Variants in TMEM132D observed in about 807,000 individuals in gnomAD.
The protein encoded by TMEM132D is mature OL transmembrane protein.
TMEM132D carries 21 observed loss-of-function variants against 62.3 expected under a neutral mutation model. That is an observed-to-expected ratio of 0.34 (90% confidence interval 0.24 to 0.49). TMEM132D has a LOEUF of 0.49. Ranked by LOEUF, TMEM132D falls within the 20% of genes least tolerant of loss-of-function variation. The pLI is 0.99. For missense variants in TMEM132D, 1,346 were observed against 1,402.8 expected, an observed-to-expected ratio of 0.96 and a Z score of 0.65; for synonymous variants, 621 against 575.6, an observed-to-expected ratio of 1.08 and a Z score of -1.13.
chr12:129,748,814 A>G (rs1176138335), intron 1 of TMEM132D, among the ~76,000 whole-genome samples: 3 of 152,192 alleles, frequency 2.0e-5, no homozygotes, highest in Non-Finnish European at 2.9e-5. Context: ...CAAGAAAGTA[A>G]GAAATAAAAG....
intron 6 of TMEM132D, 86 bp downstream of exon 6, chr12:129,084,411 T>C (rs1024279628): frequency 1.5e-6 from 2 of 1,332,570 alleles, no homozygotes; most frequent in Admixed American, 5.4e-5. Flanking sequence ...GGGTACCACA[T>C]GCATCCTCAG....
In TMEM132D at chr12:129,593,806, G is replaced by A. The variant is rs116252857; in HGVS notation, c.969-62601C>T. On this transcript the variant is annotated intron_variant, in intron 2 of 8. Transcript: ENST00000422113. ...CAGAGAAATGCAGCTGGCATCAAACGTCACGGGGAACTTACTCCTCTTGAC... is the reference window on the plus strand; with the variant it reads ...CAGAGAAATGCAGCTGGCATCAAACATCACGGGGAACTTACTCCTCTTGAC... Among the ~76,000 whole-genome samples, 379 of 151,972 alleles carry A rather than the reference G, an allele frequency of 2.5e-3. 2 individuals carry two copies. Among genetic ancestry groups the A allele is most frequent in the African/African-American group, 8.9e-3 (367 of 41,426 alleles).
intron 2 of TMEM132D, among the ~76,000 whole-genome samples, chr12:129,664,387 GC>G (rs1880319248): frequency 6.7e-6 from 1 of 148,152 alleles, no homozygotes; most frequent in African/African-American, 2.5e-5. Flanking sequence ...CTTTTGAAAT[GC>G]TTTTTCTATC....
chr12:129,701,543 C>G (rs1486524488), intron 1 of TMEM132D, among the ~76,000 whole-genome samples: 1 of 152,226 alleles, frequency 6.6e-6, no homozygotes, highest in Non-Finnish European at 1.5e-5. Context: ...GTGGACACTA[C>G]GCCGTCACCA....
At chr12:129,541,125 A>AG (rs1188638560) in intron 2 of TMEM132D, among the ~76,000 whole-genome samples, 1 of 152,232 alleles carries the variant, frequency 6.6e-6, no homozygotes, top group Non-Finnish European at 1.5e-5. Flanking sequence ...AAGAGGTCAG[A>AG]GGGCTCAGTG....
At chr12:129,615,119 T>A (rs1358948658) in intron 2 of TMEM132D, among the ~76,000 whole-genome samples, 3 of 152,186 alleles carry the variant, frequency 2.0e-5, no homozygotes, top group Admixed American at 2.0e-4. Context: ...TGCTATCTAC[T>A]GTCACAGGGC....
At chr12:129,849,631 C>T (rs994160793) in intron 1 of TMEM132D, among the ~76,000 whole-genome samples, 1 of 152,152 alleles carries the variant, frequency 6.6e-6, no homozygotes, top group South Asian at 2.1e-4. Flanking sequence ...CTGGTCACCC[C>T]GTGACTGTTG....
chr12:129,134,534 C>T (rs1876499804), intron 5 of TMEM132D, among the ~76,000 whole-genome samples: 1 of 152,136 alleles, frequency 6.6e-6, no homozygotes, highest in African/African-American at 2.4e-5. Flanking sequence ...CTATTTCTGT[C>T]AGGCATTTTT....
chr12:129,378,683 A>C (rs1870852453), intron 3 of TMEM132D, among the ~76,000 whole-genome samples: 1 of 152,152 alleles, frequency 6.6e-6, no homozygotes, highest in Non-Finnish European at 1.5e-5. Flanking sequence ...TTTTCCATTC[A>C]GCCACCTGCA....
intron 4 of TMEM132D, among the ~76,000 whole-genome samples, chr12:129,321,858 C>T (rs542163391): frequency 4.8e-4 from 73 of 152,340 alleles, no homozygotes; most frequent in African/African-American, 1.6e-3. Context: ...TGCACCCGGC[C>T]GAGGCAGACC....
chr12:129,709,230 G>A (rs541002622), intron 1 of TMEM132D, among the ~76,000 whole-genome samples: 1 of 152,294 alleles, frequency 6.6e-6, no homozygotes, highest in East Asian at 1.9e-4. Flanking sequence ...AAAGAGGCTT[G>A]AAATTTCCTG....
chr12:129,892,478 G>A (rs376127622), intron 1 of TMEM132D, among the ~76,000 whole-genome samples: 29 of 152,210 alleles, frequency 1.9e-4, no homozygotes, highest in African/African-American at 5.3e-4. Flanking sequence ...CAGATGGGCC[G>A]AAGGATATTT....
chr12:129,357,159 A>C (rs1870090470), intron 3 of TMEM132D, among the ~76,000 whole-genome samples: 1 of 150,552 alleles, frequency 6.6e-6, no homozygotes. Flanking sequence ...AGGCAGGAGA[A>C]TGGCATGGAC....
intron 2 of TMEM132D, among the ~76,000 whole-genome samples, chr12:129,615,019 T>C (rs948443200): frequency 2.0e-5 from 3 of 152,176 alleles, no homozygotes; most frequent in Non-Finnish European, 2.9e-5. Flanking sequence ...AAATGTCTCA[T>C]GGATTCAATG....
intron 1 of TMEM132D, among the ~76,000 whole-genome samples, chr12:129,763,017 G>A (rs1438831229): frequency 6.6e-6 from 1 of 152,156 alleles, no homozygotes; most frequent in Admixed American, 6.5e-5. Flanking sequence ...CATGTAAAAG[G>A]AGAAATACGC....
chr12:129,735,780 G>A (rs1417296712), intron 1 of TMEM132D, among the ~76,000 whole-genome samples: 1 of 152,222 alleles, frequency 6.6e-6, no homozygotes, highest in East Asian at 1.9e-4. Context: ...CTAGAATTGG[G>A]TGAGGGGAGG....
chr12:129,584,873 A>G (rs1445623422), intron 2 of TMEM132D, among the ~76,000 whole-genome samples: 1 of 152,144 alleles, frequency 6.6e-6, no homozygotes, highest in Non-Finnish European at 1.5e-5. Context: ...AGCAAAAGAG[A>G]GGGGAATCTC....
At position 129,241,584 on chromosome 12, in the gene TMEM132D, A is replaced by T. The variant is rs528584983; in HGVS notation, c.1300-31921T>A. Among the ~76,000 whole-genome samples, 68 of 152,314 alleles carry T rather than the reference A, an allele frequency of 4.5e-4. No individual in the cohort carries two copies. The Middle Eastern group carries it at 0.014, about 30-fold the overall frequency. ...CATTCATCCTTTACATCTCTGATTA[A>T]GCACCACTTCCTTGGAGAAGTCTCC... On this transcript the variant is annotated intron_variant, in intron 4 of 8. Coordinates refer to ENST00000422113, the MANE Select transcript of TMEM132D (RefSeq NM_133448.3).
intron 3 of TMEM132D, among the ~76,000 whole-genome samples, chr12:129,354,320 T>C (rs186685307): frequency 7.3e-5 from 11 of 151,032 alleles, no homozygotes; most frequent in African/African-American, 2.2e-4. Context: ...ATTGGGTATA[T>C]ATATATATAT....
Sources: allele counts gnomAD v4.1 joint callset (sites outside exome capture counted in the v4.1 genomes callset), GRCh38; gene constraint gnomAD v4.1.1; transcripts MANE v1.5; gene names NCBI Gene and HGNC (gene_info 2026-07-23, HGNC 2026-07-21).